Variants in LUC7L observed in about 807,000 individuals in gnomAD.
The protein encoded by LUC7L is LUC7 like.
Under a neutral mutation model 51.1 loss-of-function variants are expected in LUC7L, and 29 were observed. That is an observed-to-expected ratio of 0.57 (90% CI 0.42 to 0.77). The LOEUF (loss-of-function observed/expected upper bound fraction) is 0.77, where lower values mean the gene tolerates loss of function less well. Among genes scored for constraint, LUC7L ranks in the 30% least tolerant of loss-of-function variants. The probability of loss-of-function intolerance (pLI) is 0.00; values close to 1 mark genes in which losing one functional copy is unlikely to be tolerated. For synonymous variants in LUC7L, 181 were observed against 180.7 expected (o/e 1.00, Z -0.01); for missense variants, 403 against 511.9 (o/e 0.79, Z 2.05).
intron 2 of LUC7L, among the ~76,000 whole-genome samples, chr16:220,961 A>AT (rs2049948433): frequency 2.0e-5 from 3 of 152,212 alleles, no homozygotes; most frequent in Non-Finnish European, 2.9e-5. Flanking sequence ...TGCATTTAAT[A>AT]GTGTAAAGTT....
At chr16:193,198 G>T (rs71376702) in intron 6 of LUC7L, among the ~76,000 whole-genome samples, 183 bp from the exon 7 acceptor site, 3 of 152,108 alleles carry the variant, frequency 2.0e-5, no homozygotes, top group Non-Finnish European at 4.4e-5. Flanking sequence ...CACCAGGCTG[G>T]AGTGCAGTGG....
intron 5 of LUC7L, among the ~76,000 whole-genome samples, chr16:201,404 C>A (rs1317046453): frequency 6.6e-6 from 1 of 152,012 alleles, no homozygotes; most frequent in Non-Finnish European, 1.5e-5. Context: ...AAAAGTCAGT[C>A]CCAAAAGGTT....
intron 3 of LUC7L, among the ~76,000 whole-genome samples, chr16:210,505 G>A (rs1402608979): frequency 1.3e-5 from 2 of 152,136 alleles, no homozygotes; most frequent in Admixed American, 6.6e-5. Flanking sequence ...CTTCTCTTCT[G>A]TGCTTACCTC....
chr16:198,197 T>A (rs934156579), intron 6 of LUC7L, among the ~76,000 whole-genome samples: 1 of 137,496 alleles, frequency 7.3e-6, no homozygotes, highest in African/African-American at 2.8e-5. Context: ...GAAAATGGTG[T>A]GAACCTGGGA....
rs2050175116 is a variant in LUC7L at position 228,118 on chromosome 16, T to C, written c.62-782A>G. ...ATGATACATAAAAGTAAAGGTAAAG[T>C]GGTATGTGACAAATTTTAAAGCTAG... On this transcript the variant is annotated intron_variant, in intron 1 of 9. Transcript: ENST00000293872. 1.6e-5 allele frequency: 18 copies of C among 1,151,772 alleles called. No homozygotes were observed. The South Asian group carries it at 2.9e-4, about 19-fold the overall frequency. 71.3% of individuals were successfully genotyped at this position (1,151,772 alleles called of 1,614,324 possible). A position where few individuals can be genotyped will look rare whatever the true frequency, so the allele number is the denominator to read the frequency against.
At chr16:206,724 C>T (rs2142073797) in intron 4 of LUC7L, among the ~76,000 whole-genome samples, 1 of 152,054 alleles carries the variant, frequency 6.6e-6, no homozygotes, top group African/African-American at 2.4e-5. Flanking sequence ...CATTTCCTTA[C>T]CAATTCTTTC....
chr16:210,790 G>A (rs544712604), intron 3 of LUC7L, among the ~76,000 whole-genome samples: 4 of 152,130 alleles, frequency 2.6e-5, no homozygotes, highest in South Asian at 2.1e-4. Flanking sequence ...GGTGGCTCAC[G>A]CCTGTAATCC....
intron 5 of LUC7L, among the ~76,000 whole-genome samples, chr16:204,084 T>C (rs1354241007): frequency 2.0e-5 from 3 of 152,048 alleles, no homozygotes; most frequent in African/African-American, 7.2e-5. Flanking sequence ...GCATGAAATA[T>C]TTAGGTAGAA....
intron 2 of LUC7L, among the ~76,000 whole-genome samples, chr16:221,019 T>C (rs193239716): frequency 5.9e-4 from 90 of 152,226 alleles, no homozygotes; most frequent in African/African-American, 2.1e-3. Context: ...CACAACTACA[T>C]TAATTGGCTT....
chr16:217,447 C>A (rs2049835424), intron 3 of LUC7L, among the ~76,000 whole-genome samples: 1 of 152,132 alleles, frequency 6.6e-6, no homozygotes, highest in Admixed American at 6.6e-5. Context: ...TGGCTCACGC[C>A]TGTAATCTCA....
At chr16:221,097 G>A (rs973644539) in intron 2 of LUC7L, among the ~76,000 whole-genome samples, 3 of 150,196 alleles carry the variant, frequency 2.0e-5, no homozygotes, top group African/African-American at 4.9e-5. Flanking sequence ...TCAGCTTACT[G>A]TAACCTCTGC....
chr16:201,259 A>T (rs1352396937), intron 5 of LUC7L, among the ~76,000 whole-genome samples: 1 of 151,120 alleles, frequency 6.6e-6, no homozygotes, highest in African/African-American at 2.4e-5. Flanking sequence ...AAAAAAAAAA[A>T]AAAAAAACTT....
intron 3 of LUC7L, chr16:208,586 A>T (rs951998269): frequency 2.9e-6 from 3 of 1,029,140 alleles, no homozygotes; most frequent in African/African-American, 1.7e-5. Flanking sequence ...TGAGAGATGC[A>T]TATGATGTAC....
intron 5 of LUC7L, among the ~76,000 whole-genome samples, chr16:204,428 C>T (rs551452452): frequency 2.0e-5 from 3 of 152,078 alleles, no homozygotes; most frequent in South Asian, 4.2e-4. Flanking sequence ...CCCATCTCTA[C>T]TGAAAGTACA....
At chr16:201,242 TAAAAAAAAAAA>T (rs764945208) in intron 5 of LUC7L, among the ~76,000 whole-genome samples, 5 of 78,520 alleles carry the variant, frequency 6.4e-5, no homozygotes, top group African/African-American at 2.5e-4. Context: ...GCTACATAAC[TAAAAAAAAAAA>T]AAAAAAAAAA....
chr16:195,981 G>T (rs1032574316), intron 6 of LUC7L, among the ~76,000 whole-genome samples: 1 of 152,150 alleles, frequency 6.6e-6, no homozygotes, highest in African/African-American at 2.4e-5. Flanking sequence ...ACTCTATGCT[G>T]CAATGATAAA....
Position 220,712 on chromosome 16 carries a change from G to C in LUC7L, c.192C>G (p.Asp64Glu). Residue 64 changes from aspartate to glutamate, a missense_variant, in exon 3 of 10, where the codon GAC becomes GAG. By Grantham distance (45) the Asp-to-Glu change is conservative (BLOSUM62 2). This residue lies in a region of LUC7L where 182 missense variants were observed against 248.4 expected (regional missense o/e 0.73). Coordinates refer to ENST00000293872, the MANE Select transcript of LUC7L (RefSeq NM_201412.3). Reference sequence around the variant, plus strand: ...TCTCATAATCTGCTCGGAGGGCCAAGTCGTGGATTTTGGTACATTCTCCTA... The same window carrying C: ...TCTCATAATCTGCTCGGAGGGCCAACTCGTGGATTTTGGTACATTCTCCTA... The part of the protein sequence containing the change: ...MDLGECTKIH[D>E]LALRADYEIA... 1 of 1,614,074 alleles carries C rather than the reference G, an allele frequency of 6.2e-7. No homozygotes were observed.
At chr16:207,513 C>T (rs548071734) in intron 4 of LUC7L, among the ~76,000 whole-genome samples, 1 of 152,278 alleles carries the variant, frequency 6.6e-6, no homozygotes, top group Admixed American at 6.5e-5. Context: ...AGCCACCAAA[C>T]TCAGCGAAGA....
intron 1 of LUC7L, chr16:228,086 C>A: frequency 8.7e-7 from 1 of 1,146,772 alleles, no homozygotes; most frequent in Non-Finnish European, 1.1e-6. Flanking sequence ...GTAAGGAAGT[C>A]GGGGGAATGA....
Sources: gnomAD v4.1 joint callset for allele counts (sites outside exome capture counted in the v4.1 genomes callset) on GRCh38, gnomAD v4.1.1 for gene constraint, gnomAD v4.1.1 regional missense constraint, MANE v1.5 for transcripts, NCBI Gene and HGNC (gene_info 2026-07-23, HGNC 2026-07-21) for gene names.